The following MAPKAP1 variants were observed in gnomAD, a reference collection of about 807,000 sequenced individuals.
The protein encoded by MAPKAP1 is MAPK associated protein 1.
MAPKAP1 carries 20 observed loss-of-function variants against 65.7 expected under a neutral mutation model. That is an observed-to-expected ratio of 0.30 (90% CI 0.21 to 0.44). The LOEUF is 0.44. MAPKAP1 is among the 20% of genes least tolerant of loss of function. MAPKAP1 has a pLI of 1.00. For synonymous variants in MAPKAP1, 222 were observed against 244.3 expected (o/e 0.91, Z 0.85); for missense variants, 423 against 648.0 (o/e 0.65, Z 3.77).
intron 1 of MAPKAP1, among the ~76,000 whole-genome samples, chr9:125,688,488 G>A (rs1292804141): frequency 6.6e-6 from 1 of 152,128 alleles, no homozygotes; most frequent in Admixed American, 6.6e-5. Flanking sequence ...TGAGGATAAT[G>A]CAACAGAACT....
intron 1 of MAPKAP1, among the ~76,000 whole-genome samples, chr9:125,677,958 C>A (rs894266997): frequency 6.6e-6 from 1 of 152,126 alleles, no homozygotes; most frequent in African/African-American, 2.4e-5. Flanking sequence ...ACTCCCATCG[C>A]CCAGGCTGAA....
At chr9:125,446,682 C>T (rs573892283) in intron 10 of MAPKAP1, among the ~76,000 whole-genome samples, 7 of 152,260 alleles carry the variant, frequency 4.6e-5, no homozygotes, top group Non-Finnish European at 8.8e-5. Flanking sequence ...CACACAAAGA[C>T]ACCAGGGCCT....
chr9:125,511,445 A>C (rs189625161), intron 7 of MAPKAP1, among the ~76,000 whole-genome samples: 2 of 152,310 alleles, frequency 1.3e-5, no homozygotes, highest in African/African-American at 4.8e-5. Context: ...GAGAGAATTC[A>C]TACCTAGGAC....
intron 1 of MAPKAP1, among the ~76,000 whole-genome samples, chr9:125,678,269 G>C: frequency 6.6e-6 from 1 of 150,544 alleles, no homozygotes; most frequent in Non-Finnish European, 1.5e-5. Flanking sequence ...TTTTGAGACA[G>C]AGTCTCGCTC....
chr9:125,639,116 C>T (rs1833506248), intron 4 of MAPKAP1, among the ~76,000 whole-genome samples: 1 of 152,186 alleles, frequency 6.6e-6, no homozygotes, highest in African/African-American at 2.4e-5. Flanking sequence ...TGGTGCATGC[C>T]TGTAGTCCCA....
chr9:125,590,946 G>A (rs978735288), intron 4 of MAPKAP1, among the ~76,000 whole-genome samples: 3 of 152,088 alleles, frequency 2.0e-5, no homozygotes, highest in African/African-American at 7.2e-5. Context: ...GCTACTTTCT[G>A]TGTTTTTAGT....
At chr9:125,443,507 T>G (rs1852572688) in intron 11 of MAPKAP1, among the ~76,000 whole-genome samples, 1 of 152,144 alleles carries the variant, frequency 6.6e-6, no homozygotes, top group Admixed American at 6.5e-5. Flanking sequence ...CCAGGGCTAC[T>G]CAGAGTGTGG....
At chr9:125,631,437 T>C (rs1833276363) in intron 4 of MAPKAP1, among the ~76,000 whole-genome samples, 1 of 152,232 alleles carries the variant, frequency 6.6e-6, no homozygotes, top group African/African-American at 2.4e-5. Context: ...ACATCTTCTC[T>C]GGATGGATTC....
At chr9:125,465,797 T>TG (rs1350770571) in intron 10 of MAPKAP1, among the ~76,000 whole-genome samples, 2 of 152,180 alleles carry the variant, frequency 1.3e-5, no homozygotes, top group South Asian at 4.2e-4. Context: ...TGCAAACTCC[T>TG]GGGGGGCAAA....
chr9:125,698,288 A>AAAATATAT (rs1256292184), intron 1 of MAPKAP1, among the ~76,000 whole-genome samples: 1 of 49,070 alleles, frequency 2.0e-5, no homozygotes, highest in African/African-American at 1.1e-4. Context: ...AATATATATA[A>AAAATATAT]ATATATATAT....
chr9:125,604,373 C>T (rs1327649792), intron 4 of MAPKAP1, among the ~76,000 whole-genome samples: 3 of 152,240 alleles, frequency 2.0e-5, no homozygotes, highest in African/African-American at 7.2e-5. Flanking sequence ...CTCCAGTAGG[C>T]AACGGCAGTT....
chr9:125,597,764 A>C (rs1257202333), intron 4 of MAPKAP1, among the ~76,000 whole-genome samples: 1 of 152,206 alleles, frequency 6.6e-6, no homozygotes, highest in East Asian at 1.9e-4. Flanking sequence ...TAATGATGCA[A>C]ATTGATAAAA....
intron 7 of MAPKAP1, among the ~76,000 whole-genome samples, chr9:125,529,891 C>T (rs1829885534): frequency 6.6e-6 from 1 of 152,274 alleles, no homozygotes; most frequent in Non-Finnish European, 1.5e-5. Flanking sequence ...AAAGAAATGC[C>T]CTTACTGACT....
At chr9:125,512,129 T>C (rs1482446131) in intron 7 of MAPKAP1, among the ~76,000 whole-genome samples, 4 of 152,252 alleles carry the variant, frequency 2.6e-5, no homozygotes, top group African/African-American at 9.6e-5. Flanking sequence ...TCGATCCCTT[T>C]AACCCCTAAC....
At chr9:125,668,132 T>C (rs932028944) in intron 3 of MAPKAP1, among the ~76,000 whole-genome samples, 1 of 152,246 alleles carries the variant, frequency 6.6e-6, no homozygotes, top group East Asian at 1.9e-4. Context: ...CTGCTAAGGA[T>C]ACTTGAGTTT....
rs1379821075 is a variant in MAPKAP1 at position 125,468,052 on chromosome 9, T to C, written c.1265A>G (p.Lys422Arg). Residue 422 changes from lysine to arginine, a missense_variant, in exon 10 of 12, where the codon AAG becomes AGG. Lys to Arg is a conservative substitution (Grantham distance 26). Around this residue, in one of 6 missense-constraint regions of MAPKAP1, gnomAD observed 185 missense variants for 268.1 expected, o/e 0.69. Coordinates refer to ENST00000265960, the MANE Select transcript of MAPKAP1 (RefSeq NM_001006617.3). ...GATGGGTTTCTGCTTAATCCAAAAC[T>C]TAGTGCTGGCTTTCTGATTCGTAAC... is the stretch of plus-strand genomic sequence containing the variant. ...DPVTNQKASTKFWIKQKPISI... is the reference protein window; with the variant it reads ...DPVTNQKASTRFWIKQKPISI... 1 of 1,614,198 alleles carries C rather than the reference T, an allele frequency of 6.2e-7. No homozygotes were observed. Among genetic ancestry groups the C allele is most frequent in the Non-Finnish European group, 8.5e-7 (1 of 1,180,034 alleles).
chr9:125,511,886 C>T lies in MAPKAP1; in HGVS notation c.959-5469G>A, dbSNP rs60757855. Among the ~76,000 whole-genome samples the T allele has an allele frequency of 3.7e-4, 57 of 152,260 alleles. No homozygotes were observed. The East Asian group carries it at 0.01, about 28-fold the overall frequency. ...CTGGGAAGCAGTTACTCTGCAGCGA[C>T]GGGAAAACCTGCTTGGGCATTCCAA... On this transcript the variant is annotated intron_variant, in intron 7 of 11. Coordinates refer to ENST00000265960, the MANE Select transcript of MAPKAP1 (RefSeq NM_001006617.3).
chr9:125,451,808 G>GTTTTTT (rs71374268), intron 10 of MAPKAP1, among the ~76,000 whole-genome samples: 3 of 117,848 alleles, frequency 2.5e-5, no homozygotes, highest in Non-Finnish European at 3.4e-5. Flanking sequence ...ACTCACAGGA[G>GTTTTTT]TTTTTTTTTT....
chr9:125,446,451 T>C (rs1157683391), intron 10 of MAPKAP1, among the ~76,000 whole-genome samples: 1 of 152,166 alleles, frequency 6.6e-6, no homozygotes, highest in Non-Finnish European at 1.5e-5. Flanking sequence ...AGGTGGACCT[T>C]ACACAGAGGC....
Sources: gnomAD v4.1 joint callset for allele counts (sites outside exome capture counted in the v4.1 genomes callset) on GRCh38, gnomAD v4.1.1 for gene constraint, gnomAD v4.1.1 regional missense constraint, MANE v1.5 for transcripts, NCBI Gene and HGNC (gene_info 2026-07-23, HGNC 2026-07-21) for gene names.